Variants in ATP10D observed in about 807,000 individuals in gnomAD.
ATP10D encodes the protein ATPase phospholipid transporting 10D (putative).
In ATP10D, 89 loss-of-function variants were observed where a neutral mutation model predicts 144.8. The ratio of observed to expected loss-of-function variants is 0.61; its 90% CI spans 0.52 to 0.73. The LOEUF (loss-of-function observed/expected upper bound fraction) is 0.73, where lower values mean the gene tolerates loss of function less well. Among genes scored for constraint, ATP10D ranks in the 30% least tolerant of loss-of-function variants. The pLI is 0.00. For missense variants in ATP10D, 1,603 were observed against 1,714.8 expected (o/e 0.93, Z 1.15); for synonymous variants, 571 against 615.1 (o/e 0.93, Z 1.06).
chr4:47,561,363 G>A (rs1401047583), intron 14 of ATP10D, among the ~76,000 whole-genome samples: 2 of 152,080 alleles, frequency 1.3e-5, no homozygotes, highest in African/African-American at 2.4e-5. Flanking sequence ...TAAATATCTT[G>A]GTTCAAATCA....
Position 47,558,244 on chromosome 4 carries a change from T to A in ATP10D, c.2405T>A (p.Ile802Asn). The A allele has an allele frequency of 6.2e-7, 1 of 1,613,606 alleles. No individual in the cohort carries two copies. The highest frequency in any genetic ancestry group is 8.5e-7 in the Non-Finnish European group (1 of 1,179,480). Residue 802 changes from isoleucine (I) to asparagine (N), a missense_variant, in exon 12 of 23, where the codon ATC becomes AAC. Ile to Asn is a moderately radical substitution (Grantham distance 149). Transcript: ENST00000273859. ...VVYTKGADSV[I>N]MELLSVASPD... Reference sequence around the variant, plus strand: ...TATACGAAAGGCGCTGATTCTGTGATCATGGAGTTACTGTCGGTGGCTTCC... The same window carrying A: ...TATACGAAAGGCGCTGATTCTGTGAACATGGAGTTACTGTCGGTGGCTTCC...
intron 16 of ATP10D, among the ~76,000 whole-genome samples, chr4:47,571,477 A>C (rs1450398953): frequency 6.6e-6 from 1 of 152,102 alleles, no homozygotes; most frequent in Non-Finnish European, 1.5e-5. Flanking sequence ...CTTACCTATA[A>C]ATATGGAGGT....
At chr4:47,512,465 C>A in intron 1 of ATP10D, 39 bp from the exon 2 acceptor site, 1 of 1,339,824 alleles carries the variant, frequency 7.5e-7, no homozygotes, top group Non-Finnish European at 1.0e-6. Context: ...TGAGACGTTT[C>A]AGAAGCTCAT....
At chr4:47,536,083 G>T (rs763639857) in intron 7 of ATP10D, 50 bp downstream of exon 7, 2 of 1,563,780 alleles carry the variant, frequency 1.3e-6, no homozygotes, top group South Asian at 2.4e-5. Context: ...AGATATTAAA[G>T]TATTTTATTT....
intron 1 of ATP10D, among the ~76,000 whole-genome samples, chr4:47,509,615 T>C (rs1024809353): frequency 6.6e-6 from 1 of 152,226 alleles, no homozygotes; most frequent in African/African-American, 2.4e-5. Flanking sequence ...GTATTAACCA[T>C]AGTCATCGTA....
At chr4:47,579,322 G>A (rs1428905199) in intron 19 of ATP10D, among the ~76,000 whole-genome samples, 1 of 152,142 alleles carries the variant, frequency 6.6e-6, no homozygotes, top group Non-Finnish European at 1.5e-5. Flanking sequence ...GTATGTACAA[G>A]ACACTGTTTT....
intron 5 of ATP10D, among the ~76,000 whole-genome samples, chr4:47,527,813 T>C (rs1382723736): frequency 6.6e-6 from 1 of 152,096 alleles, no homozygotes; most frequent in Non-Finnish European, 1.5e-5. Context: ...TACAACCACT[T>C]TGGAAAACAA....
chr4:47,581,952 CTT>C lies in ATP10D; in HGVS notation c.3649-6_3649-5del. 4 of 1,609,704 alleles carry C rather than the reference CTT, an allele frequency of 2.5e-6. No homozygotes were observed. Among genetic ancestry groups the C allele is most frequent in the Non-Finnish European group, 3.4e-6 (4 of 1,176,102 alleles). On this transcript the variant is annotated splice_region_variant and splice_polypyrimidine_tract_variant and intron_variant, in intron 20 of 22. Transcript: ENST00000273859. ...TCTCCAGGATCATCTAATGTCCTCT[CTT>C]TGTAGACCTACCAGGGCTCAGATAC...
intron 1 of ATP10D, among the ~76,000 whole-genome samples, chr4:47,510,778 G>T (rs1025631865): frequency 2.0e-5 from 3 of 152,156 alleles, no homozygotes; most frequent in Non-Finnish European, 4.4e-5. Flanking sequence ...TTAGATTGTT[G>T]TATGAGATTG....
At chr4:47,524,130 G>A (rs1489346678) in intron 4 of ATP10D, among the ~76,000 whole-genome samples, 2 of 152,116 alleles carry the variant, frequency 1.3e-5, no homozygotes, top group African/African-American at 2.4e-5. Context: ...GTTTGACCGT[G>A]TTAGCCAGGA....
chr4:47,577,092 T>A, intron 19 of ATP10D, 119 bp downstream of exon 19: 1 of 875,730 alleles, frequency 1.1e-6, no homozygotes, highest in Non-Finnish European at 1.8e-6. Flanking sequence ...CTGATTGTTT[T>A]AAAAGATCTC....
chr4:47,538,527 A>C (rs938807244), intron 9 of ATP10D, among the ~76,000 whole-genome samples: 1 of 152,204 alleles, frequency 6.6e-6, no homozygotes, highest in Non-Finnish European at 1.5e-5. Context: ...ATAATGGCTT[A>C]AACCAACACA....
chr4:47,568,325 T>A (rs1163111529), intron 15 of ATP10D, among the ~76,000 whole-genome samples: 1 of 152,222 alleles, frequency 6.6e-6, no homozygotes, highest in Non-Finnish European at 1.5e-5. Context: ...AGTGAATGAA[T>A]ACGTTGAATC....
chr4:47,564,910 T>C (rs1467021159), intron 15 of ATP10D, among the ~76,000 whole-genome samples: 2 of 152,236 alleles, frequency 1.3e-5, no homozygotes, highest in Non-Finnish European at 2.9e-5. Context: ...CAGGATCACT[T>C]CTTGAGCTTT....
chr4:47,509,968 G>GTA (rs1716234687), intron 1 of ATP10D, among the ~76,000 whole-genome samples: 1 of 151,358 alleles, frequency 6.6e-6, no homozygotes. Flanking sequence ...GTGTGTGTGT[G>GTA]TGTGTGTGTG....
chr4:47,558,204 A>C lies in ATP10D; in HGVS notation c.2365A>C (p.Asn789His), dbSNP rs541304180. 47 of 1,614,156 alleles carry C rather than the reference A, an allele frequency of 2.9e-5. 1 individual carries two copies. In the South Asian group the frequency reaches 4.9e-4, roughly 17 times the overall value. The change falls in exon 12 of 23, where the codon AAT becomes CAT. Residue 789 changes from asparagine (N) to histidine (H), a missense_variant. Asn to His is a moderately conservative substitution (Grantham distance 68). Coordinates refer to ENST00000273859, the MANE Select transcript of ATP10D (RefSeq NM_020453.4). ...TGTTGTGGTCCGACACCCTCTTTCC[A>C]ATCAAGTTGTGGTGTATACGAAAGG... ...MSVVVRHPLS[N>H]QVVVYTKGAD...
intron 3 of ATP10D, among the ~76,000 whole-genome samples, chr4:47,520,151 GTC>G (rs1716871442): frequency 6.6e-6 from 1 of 152,176 alleles, no homozygotes. Context: ...GTCAAAATCT[GTC>G]TCTCTTTGGG....
At chr4:47,508,832 A>G (rs1716163153) in intron 1 of ATP10D, among the ~76,000 whole-genome samples, 1 of 152,266 alleles carries the variant, frequency 6.6e-6, no homozygotes, top group South Asian at 2.1e-4. Flanking sequence ...ACACTCTGAT[A>G]CAAAATAAGT....
Position 47,520,127 on chromosome 4 carries a change from T to C in ATP10D, c.486-2885T>C, listed in dbSNP as rs555718071. Among the ~76,000 whole-genome samples, 4 of 152,300 alleles carry C rather than the reference T, an allele frequency of 2.6e-5. No individual in the cohort carries two copies. The South Asian group carries it at 8.3e-4, about 32-fold the overall frequency. ...TTCTTATATTTGCAAGAATATGAAA[T>C]TCCTAACCCAAATGTCAAAATCTGT... is the stretch of plus-strand genomic sequence containing the variant. On this transcript the variant is annotated intron_variant, in intron 3 of 22. Transcript: ENST00000273859.
Sources: gnomAD v4.1 joint callset for allele counts (sites outside exome capture counted in the v4.1 genomes callset) on GRCh38, gnomAD v4.1.1 for gene constraint, MANE v1.5 for transcripts, NCBI Gene and HGNC (gene_info 2026-07-23, HGNC 2026-07-21) for gene names.